The following EXOC2 variants were observed in gnomAD, a reference collection of about 807,000 sequenced individuals.
The protein encoded by EXOC2 is exocyst complex component 2.
In EXOC2, 70 loss-of-function variants were observed where a neutral mutation model predicts 131.8. The observed-to-expected ratio is 0.53, with a 90% CI of 0.44 to 0.65. The LOEUF (loss-of-function observed/expected upper bound fraction) is 0.65, where lower values mean the gene tolerates loss of function less well. Ranked by LOEUF, EXOC2 falls within the 30% of genes least tolerant of loss-of-function variation. The pLI is 0.00. For synonymous variants in EXOC2, 411 were observed against 398.4 expected (o/e 1.03, Z -0.38); for missense variants, 923 against 1,108.6 (o/e 0.83, Z 2.38).
intron 27 of EXOC2, among the ~76,000 whole-genome samples, chr6:487,451 G>C (rs373618154): frequency 2.0e-5 from 3 of 152,002 alleles, no homozygotes; most frequent in East Asian, 3.9e-4. Context: ...CTGTCGCCCA[G>C]GCTGGAGTGC....
At chr6:568,741 T>C (rs1758113696) in intron 13 of EXOC2, among the ~76,000 whole-genome samples, 1 of 152,216 alleles carries the variant, frequency 6.6e-6, no homozygotes, top group African/African-American at 2.4e-5. Flanking sequence ...ATAGTAAGAC[T>C]GTGCAATGCG....
At chr6:589,181 A>G (rs1759384932) in intron 11 of EXOC2, among the ~76,000 whole-genome samples, 1 of 152,166 alleles carries the variant, frequency 6.6e-6, no homozygotes, top group Admixed American at 6.5e-5. Context: ...ATTCATCACC[A>G]CCTTTGCTGG....
At chr6:556,616 A>G in intron 17 of EXOC2, 52 bp from the exon 18 acceptor site, 1 of 1,595,460 alleles carries the variant, frequency 6.3e-7, no homozygotes, top group South Asian at 1.1e-5. Flanking sequence ...CTGGCTGTGA[A>G]GACATGTTTA....
chr6:499,799 G>A (rs979766305), intron 23 of EXOC2, 99 bp from the exon 24 acceptor site: 1 of 913,122 alleles, frequency 1.1e-6, no homozygotes, highest in East Asian at 2.4e-5. Context: ...GTTTTCTGAG[G>A]AGAAACAGAA....
chr6:674,547 A>C (rs180704723), intron 1 of EXOC2, among the ~76,000 whole-genome samples: 1 of 152,270 alleles, frequency 6.6e-6, no homozygotes, highest in African/African-American at 2.4e-5. Context: ...AATTGCTGGG[A>C]GAAATGAGTA....
chr6:591,812 C>A (rs1397551454), intron 11 of EXOC2, among the ~76,000 whole-genome samples: 1 of 152,142 alleles, frequency 6.6e-6, no homozygotes, highest in African/African-American at 2.4e-5. Context: ...AGCCAATACA[C>A]CTGCACACAA....
At chr6:532,213 A>G (rs1181938661) in intron 23 of EXOC2, among the ~76,000 whole-genome samples, 2 of 152,256 alleles carry the variant, frequency 1.3e-5, no homozygotes, top group Non-Finnish European at 2.9e-5. Context: ...ATGCATTACT[A>G]AAACGATCAA....
At chr6:616,729 CTTATTTAT>C (rs553743664) in intron 6 of EXOC2, among the ~76,000 whole-genome samples, 8 of 149,160 alleles carry the variant, frequency 5.4e-5, no homozygotes, top group African/African-American at 2.0e-4. Context: ...AAGAGGGGGG[CTTATTTAT>C]TTATTTATTT....
At chr6:621,248 G>T (rs1291480124) in intron 4 of EXOC2, among the ~76,000 whole-genome samples, 1 of 152,160 alleles carries the variant, frequency 6.6e-6, no homozygotes, top group East Asian at 1.9e-4. Flanking sequence ...CTGTCACCTG[G>T]AGGTCCCACT....
intron 1 of EXOC2, among the ~76,000 whole-genome samples, chr6:678,283 C>G (rs1764244604): frequency 6.6e-6 from 1 of 152,122 alleles, no homozygotes; most frequent in Non-Finnish European, 1.5e-5. Flanking sequence ...TATTCAGGTC[C>G]CTTTAATTTC....
chr6:572,604 T>C lies in EXOC2; in HGVS notation c.1359A>G (p.Glu453=), dbSNP rs751908828. ...YKTPHRVAFV[E]KLTKLVLSQL... The stretch of plus-strand genomic sequence containing the variant: ...GGCTCAAGACGAGTTTTGTCAATTT[T>C]TCAACAAAGGCCACCCTGTGGGGAG... The change falls in exon 13 of 28, where the codon GAA becomes GAG. Residue 453 remains glutamate (E), a synonymous_variant. Coordinates refer to ENST00000230449, the MANE Select transcript of EXOC2 (RefSeq NM_018303.6). 1 of 1,614,168 alleles carries C rather than the reference T, an allele frequency of 6.2e-7. No individual in the cohort carries two copies. The highest frequency in any genetic ancestry group is 2.2e-5 in the East Asian group (1 of 44,882).
In EXOC2 at chr6:501,202, TTA is replaced by T. The variant is rs1179672092; in HGVS notation, c.2381-1504_2381-1503del. ...TATATATTATATATATCTATATATATTATATATATATTATATATATCTATATA... is the reference window on the plus strand; with the variant it reads ...TATATATTATATATATCTATATATATTATATATATTATATATATCTATATA... On this transcript the variant is annotated intron_variant, in intron 23 of 27. Coordinates refer to ENST00000230449, the MANE Select transcript of EXOC2 (RefSeq NM_018303.6). 2.2e-3 allele frequency among the ~76,000 whole-genome samples: 20 copies of T among 9,038 alleles called. 1 individual carries two copies. The highest frequency in any genetic ancestry group is 4.0e-3 in the Non-Finnish European group (14 of 3,538). 5.9% of individuals were successfully genotyped at this position (9,038 alleles called of 152,430 possible).
At chr6:673,291 A>AAAAAAAAAAAT (rs1763960300) in intron 1 of EXOC2, among the ~76,000 whole-genome samples, 1 of 144,010 alleles carries the variant, frequency 6.9e-6, no homozygotes, top group African/African-American at 2.6e-5. Context: ...AAAAAAAAAA[A>AAAAAAAAAAAT]TTCACATTTA....
intron 22 of EXOC2, among the ~76,000 whole-genome samples, chr6:548,964 GA>G (rs1023462695): frequency 1.3e-4 from 20 of 152,296 alleles, no homozygotes; most frequent in African/African-American, 3.4e-4. Context: ...CTAGAGAAAA[GA>G]AAAGGGTATT....
chr6:659,995 TG>T (rs538836534), intron 1 of EXOC2, among the ~76,000 whole-genome samples: 421 of 38,120 alleles, frequency 0.011, 1 homozygote, highest in Middle Eastern at 0.07. Flanking sequence ...TCAGGGCTGT[TG>T]GGGGGGGGAC....
At chr6:571,656 C>T (rs1376750774) in intron 13 of EXOC2, among the ~76,000 whole-genome samples, 1 of 152,162 alleles carries the variant, frequency 6.6e-6, no homozygotes, top group East Asian at 1.9e-4. Context: ...TAGCCTTTGC[C>T]CATGTCCATT....
intron 6 of EXOC2, among the ~76,000 whole-genome samples, chr6:617,380 T>C (rs1030285256): frequency 6.6e-6 from 1 of 152,202 alleles, no homozygotes; most frequent in African/African-American, 2.4e-5. Context: ...ATGGGTTGCA[T>C]TTATAGAATT....
chr6:638,243 T>C (rs1561956584), intron 1 of EXOC2, among the ~76,000 whole-genome samples: 1 of 152,240 alleles, frequency 6.6e-6, no homozygotes, highest in Non-Finnish European at 1.5e-5. Flanking sequence ...TCTGATTAAC[T>C]ATACTCATAA....
intron 1 of EXOC2, among the ~76,000 whole-genome samples, chr6:690,620 G>A (rs576682001): frequency 1.3e-4 from 20 of 152,280 alleles, no homozygotes; most frequent in African/African-American, 4.3e-4. Context: ...GCAGAATGGC[G>A]TGAACCCGGG....
Sources: gnomAD v4.1 joint callset for allele counts (sites outside exome capture counted in the v4.1 genomes callset) on GRCh38, gnomAD v4.1.1 for gene constraint, MANE v1.5 for transcripts, NCBI Gene and HGNC (gene_info 2026-07-23, HGNC 2026-07-21) for gene names.